SGPP2: variants seen among roughly 807,000 people sequenced by gnomAD.
SGPP2 encodes sphingosine 1-phosphate phosphohydrolase 2.
In SGPP2, 30 loss-of-function variants were observed where a neutral mutation model predicts 33.9. The ratio of observed to expected loss-of-function variants is 0.89; its 90% CI spans 0.66 to 1.20. The LOEUF (loss-of-function observed/expected upper bound fraction) is 1.20. SGPP2 is among the 50% of genes most tolerant of loss of function. The pLI is 0.00. For synonymous variants in SGPP2, 233 were observed against 225.0 expected (o/e 1.04, Z -0.32); for missense variants, 458 against 532.1 (o/e 0.86, Z 1.37).
At chr2:222,523,797 A>C (rs1698719158) in intron 3 of SGPP2, among the ~76,000 whole-genome samples, 1 of 152,068 alleles carries the variant, frequency 6.6e-6, no homozygotes, top group South Asian at 2.1e-4. Flanking sequence ...AATTTTAAAA[A>C]TGTGTGTTGA....
chr2:222,448,482 G>T (rs753567741), intron 1 of SGPP2, among the ~76,000 whole-genome samples: 2 of 152,222 alleles, frequency 1.3e-5, no homozygotes, highest in Non-Finnish European at 2.9e-5. Flanking sequence ...ACATGGGCAA[G>T]TTAGCCTCTA....
chr2:222,463,451 A>T (rs1273615117), intron 1 of SGPP2, among the ~76,000 whole-genome samples: 1 of 148,430 alleles, frequency 6.7e-6, no homozygotes, highest in African/African-American at 2.6e-5. Flanking sequence ...TACAAAATAT[A>T]AAAAAAATAG....
chr2:222,529,210 A>G (rs1360479223), intron 4 of SGPP2, among the ~76,000 whole-genome samples: 8 of 152,200 alleles, frequency 5.3e-5, no homozygotes, highest in Admixed American at 5.2e-4. Context: ...CCATCTGAAA[A>G]GATTACTTTC....
chr2:222,508,322 G>T (rs78004788), intron 2 of SGPP2, among the ~76,000 whole-genome samples: 2 of 152,116 alleles, frequency 1.3e-5, no homozygotes, highest in African/African-American at 4.8e-5. Context: ...GCTAGACGGC[G>T]TGGTGTGGTG....
chr2:222,448,592 G>A (rs187004672), intron 1 of SGPP2, among the ~76,000 whole-genome samples: 57 of 152,202 alleles, frequency 3.7e-4, no homozygotes, highest in African/African-American at 1.2e-3. Context: ...CTTAATAAGC[G>A]CTGTGTTGTT....
At chr2:222,479,681 G>T (rs1698000401) in intron 2 of SGPP2, among the ~76,000 whole-genome samples, 1 of 151,992 alleles carries the variant, frequency 6.6e-6, no homozygotes, top group Non-Finnish European at 1.5e-5. Flanking sequence ...GGGATTACAG[G>T]CGTGAGCCAC....
At chr2:222,479,399 CTTT>C (rs568165167) in intron 2 of SGPP2, among the ~76,000 whole-genome samples, 1 of 114,896 alleles carries the variant, frequency 8.7e-6, no homozygotes, top group Non-Finnish European at 1.7e-5. Context: ...ATCTACCCTT[CTTT>C]TTTTTTTTTT....
At chr2:222,451,540 T>C (rs1559147404) in intron 1 of SGPP2, among the ~76,000 whole-genome samples, 1 of 152,228 alleles carries the variant, frequency 6.6e-6, no homozygotes, top group Non-Finnish European at 1.5e-5. Context: ...TCTGAAGGGC[T>C]GATGTGCTGA....
intron 1 of SGPP2, among the ~76,000 whole-genome samples, chr2:222,436,473 T>C (rs1697242352): frequency 6.6e-6 from 1 of 152,196 alleles, no homozygotes; most frequent in African/African-American, 2.4e-5. Flanking sequence ...TAAACTATTG[T>C]CACCTAGTTG....
intron 1 of SGPP2, among the ~76,000 whole-genome samples, chr2:222,443,164 T>C (rs1697351466): frequency 6.6e-6 from 1 of 152,356 alleles, no homozygotes; most frequent in Middle Eastern, 3.4e-3. Context: ...ATTGAAACCA[T>C]TCTCGGCTTT....
intron 2 of SGPP2, among the ~76,000 whole-genome samples, chr2:222,515,734 A>G (rs1370753672): frequency 2.0e-5 from 3 of 151,870 alleles, no homozygotes; most frequent in Non-Finnish European, 4.4e-5. Flanking sequence ...GAGTTCACAC[A>G]TGTTTAAAAT....
intron 1 of SGPP2, 39 bp downstream of exon 1, chr2:222,424,860 G>A (rs1256730190): frequency 1.5e-6 from 2 of 1,291,422 alleles, no homozygotes; most frequent in East Asian, 3.2e-5. Flanking sequence ...CGGGGAGGGG[G>A]CGGCTGCGGA....
chr2:222,473,534 G>A (rs6723867), intron 1 of SGPP2, among the ~76,000 whole-genome samples: 4,180 of 152,234 alleles, frequency 0.027, 205 homozygotes, highest in African/African-American at 0.095. Context: ...GGGAAGGAGA[G>A]GGGATGAAGA....
At chr2:222,517,018 ACCT>A (rs1698613663) in intron 2 of SGPP2, among the ~76,000 whole-genome samples, 1 of 152,016 alleles carries the variant, frequency 6.6e-6, no homozygotes, top group African/African-American at 2.4e-5. Flanking sequence ...AGTGGTCCTA[ACCT>A]CCTAGGAGCT....
intron 1 of SGPP2, among the ~76,000 whole-genome samples, chr2:222,425,605 C>T (rs1022793100): frequency 8.5e-5 from 13 of 152,230 alleles, no homozygotes; most frequent in Non-Finnish European, 1.8e-4. Context: ...AGGGACCAGA[C>T]GGGCTGCACT....
intron 4 of SGPP2, 32 bp from the exon 5 acceptor site, chr2:222,558,315 G>A (rs1196477647): frequency 6.2e-7 from 1 of 1,607,054 alleles, no homozygotes; most frequent in Non-Finnish European, 8.5e-7. Context: ...ACACTCATTG[G>A]TTCACACTGT....
At chr2:222,527,254 T>G (rs1458813670) in intron 4 of SGPP2, among the ~76,000 whole-genome samples, 2 of 152,168 alleles carry the variant, frequency 1.3e-5, no homozygotes, top group Non-Finnish European at 2.9e-5. Context: ...AACAGAATAG[T>G]GTAAACATTT....
At chr2:222,505,772 A>AAAAAATAC (rs1250966302) in intron 2 of SGPP2, among the ~76,000 whole-genome samples, 3 of 151,820 alleles carry the variant, frequency 2.0e-5, no homozygotes, top group African/African-American at 4.8e-5. Context: ...CATCTCTACA[A>AAAAAATAC]AAAAATACAA....
chr2:222,453,739 A>T (rs565181840), intron 1 of SGPP2, among the ~76,000 whole-genome samples: 4 of 152,336 alleles, frequency 2.6e-5, no homozygotes, highest in Admixed American at 6.5e-5. Flanking sequence ...TTGACTGTTT[A>T]TGTTATAAGT....
Sources: allele counts gnomAD v4.1 joint callset (sites outside exome capture counted in the v4.1 genomes callset), GRCh38; gene constraint gnomAD v4.1.1; transcripts MANE v1.5; gene names NCBI Gene and HGNC (gene_info 2026-07-23, HGNC 2026-07-21).